DDX55: variants seen among roughly 807,000 people sequenced by gnomAD.
DDX55 encodes ATP-dependent RNA helicase DDX55.
DDX55 carries 56 observed loss-of-function variants against 69.2 expected under a neutral mutation model. The ratio of observed to expected loss-of-function variants is 0.81; its 90% CI spans 0.65 to 1.01. The LOEUF (loss-of-function observed/expected upper bound fraction) is 1.01, where lower values mean the gene tolerates loss of function less well. Ranked by LOEUF, DDX55 falls within the 50% of genes least tolerant of loss-of-function variation. The probability of loss-of-function intolerance (pLI) is 0.00; values close to 1 mark genes in which losing one functional copy is unlikely to be tolerated. For missense variants in DDX55, 720 were observed against 745.1 expected (o/e 0.97, Z 0.39); for synonymous variants, 268 against 273.1 (o/e 0.98, Z 0.18).
intron 11 of DDX55, chr12:123,618,106 T>C: frequency 2.2e-6 from 1 of 447,342 alleles, no homozygotes; most frequent in Non-Finnish European, 4.0e-6. Flanking sequence ...AACCTCCACC[T>C]CCCGGGTTCA....
chr12:123,607,648 G>T lies in DDX55; in HGVS notation c.387G>T (p.Arg129Ser). Residue 129 changes from arginine to serine, a missense_variant, in exon 5 of 14, where the codon AGG (arginine) becomes AGT (serine). Transcript: ENST00000238146. Reference sequence around the variant, plus strand: ...GGAATCCTGGAGAAGATGTTGAGAGGTTTAAGCAACAAGGGTGAGTTTGCT... The same window carrying T: ...GGAATCCTGGAGAAGATGTTGAGAGTTTTAAGCAACAAGGGTGAGTTTGCT... ...GGRNPGEDVE[R>S]FKQQGGNIIV... 6.2e-7 allele frequency: 1 copy of T among 1,614,124 alleles called. No individual in the cohort carries two copies. Among genetic ancestry groups the T allele is most frequent in the Non-Finnish European group, 8.5e-7 (1 of 1,180,034 alleles).
rs1438644142 is a variant in DDX55, at chr12:123,620,586, A to T, written c.*446A>T. 1.0e-3 allele frequency: 46 copies of T among 43,922 alleles called. 1 individual carries two copies. The highest frequency in any genetic ancestry group is 3.8e-3 in the African/African-American group (40 of 10,408). The allele number at this position is 43,922 out of a possible 1,614,324, so 2.7% of individuals were successfully genotyped here. ...ATATAGACATATGTACATATTATAT[A>T]TATATATATATATATATATATATAT... On this transcript the variant is annotated 3_prime_UTR_variant, in exon 14 of 14. Transcript: ENST00000238146.
In DDX55 at chr12:123,619,663, C is replaced by T; in HGVS notation, c.1565C>T (p.Ser522Leu). The T allele has an allele frequency of 6.3e-7, 1 of 1,599,532 alleles. No homozygotes were observed. The highest frequency in any genetic ancestry group is 8.5e-7 in the Non-Finnish European group (1 of 1,175,588). Residue 522 changes from serine (S) to leucine (L), a missense_variant, in exon 13 of 14, where the codon TCA becomes TTA. By Grantham distance (145) the Ser-to-Leu change is moderately radical. Coordinates refer to ENST00000238146, the MANE Select transcript of DDX55 (RefSeq NM_020936.3). ...AAATTCATAAAAAATAAAGCTTGGT[C>T]AAAGCAGAAGGCCAAAAAAGAAAAG... is the stretch of plus-strand genomic sequence containing the variant. ...RRKFIKNKAW[S>L]KQKAKKEKKK...
At chr12:123,617,973 A>G (rs755175528) in intron 11 of DDX55, 101 bp downstream of exon 11, 1 of 1,138,354 alleles carries the variant, frequency 8.8e-7, no homozygotes, top group African/African-American at 1.5e-5. Flanking sequence ...TTGCAAACTC[A>G]CTGGGGCTGG....
chr12:123,613,758 G>T lies in DDX55; in HGVS notation c.824+506G>T, dbSNP rs1406903011. Among the ~76,000 whole-genome samples, 3 of 152,208 alleles carry T rather than the reference G, an allele frequency of 2.0e-5. No individual in the cohort carries two copies. The East Asian group carries it at 5.8e-4, about 29-fold the overall frequency. On this transcript the variant is annotated intron_variant, in intron 8 of 13. Coordinates refer to ENST00000238146, the MANE Select transcript of DDX55 (RefSeq NM_020936.3). Reference sequence around the variant, plus strand: ...GTGGTGGCCCCTCACTTCAAGAGCAGCAGAGAAAATGAGTGCGCAGCTTTT... The same window carrying T: ...GTGGTGGCCCCTCACTTCAAGAGCATCAGAGAAAATGAGTGCGCAGCTTTT...
intron 11 of DDX55, 51 bp from the exon 12 acceptor site, chr12:123,618,618 G>A (rs1424926570): frequency 6.3e-7 from 1 of 1,590,646 alleles, no homozygotes; most frequent in Admixed American, 1.7e-5. Flanking sequence ...GAGCCCTGGG[G>A]ATATGATGCC....
intron 7 of DDX55, among the ~76,000 whole-genome samples, chr12:123,612,144 T>C (rs1954293142): frequency 6.6e-6 from 1 of 152,216 alleles, no homozygotes; most frequent in Non-Finnish European, 1.5e-5. Context: ...ACTCGGAGCA[T>C]TTTGGATTTC....
chr12:123,618,646 A>C, intron 11 of DDX55, 23 bp from the exon 12 acceptor site: 1 of 1,602,636 alleles, frequency 6.2e-7, no homozygotes, highest in South Asian at 1.1e-5. Context: ...GAAGGTGAGA[A>C]TGTGGTATGT....
At chr12:123,607,762 A>G (rs1953982901) in intron 5 of DDX55, 100 bp downstream of exon 5, 2 of 1,534,568 alleles carry the variant, frequency 1.3e-6, no homozygotes, top group Non-Finnish European at 1.8e-6. Flanking sequence ...CCCTTTCAGC[A>G]GCCTCCTCCC....
At chr12:123,616,895 T>A in intron 10 of DDX55, 1 of 338,708 alleles carries the variant, frequency 3.0e-6, no homozygotes, top group South Asian at 2.7e-5. Flanking sequence ...GGCTCACGCC[T>A]GTAATTCCAG....
At chr12:123,614,346 C>T (rs1436273789) in intron 8 of DDX55, among the ~76,000 whole-genome samples, 3 of 152,166 alleles carry the variant, frequency 2.0e-5, no homozygotes, top group African/African-American at 7.2e-5. Context: ...CTGAAGTAGA[C>T]AAGAGTTAGC....
intron 10 of DDX55, 34 bp from the exon 11 acceptor site, chr12:123,617,724 C>T: frequency 6.3e-7 from 1 of 1,577,838 alleles, no homozygotes; most frequent in Non-Finnish European, 8.6e-7. Flanking sequence ...GCTGTCATCA[C>T]CTGGGTACCC....
chr12:123,610,509 A>C (rs1431034041), intron 7 of DDX55, among the ~76,000 whole-genome samples: 1 of 152,086 alleles, frequency 6.6e-6, no homozygotes, highest in East Asian at 1.9e-4. Flanking sequence ...CAGAAAATCA[A>C]ATGACAGACT....
At chr12:123,616,400 C>G in intron 9 of DDX55, 111 bp from the exon 10 acceptor site, 1 of 880,242 alleles carries the variant, frequency 1.1e-6, no homozygotes, top group Non-Finnish European at 1.8e-6. Flanking sequence ...ACATTTGCTT[C>G]TGTGAGAAGC....
intron 1 of DDX55, chr12:123,605,376 C>G (rs1377161628): frequency 5.8e-6 from 1 of 172,054 alleles, no homozygotes; most frequent in Non-Finnish European, 1.3e-5. Flanking sequence ...AATGTTCCCT[C>G]AGGGGTTGAG....
chr12:123,615,122 C>T, intron 8 of DDX55, 63 bp from the exon 9 acceptor site: 1 of 1,604,232 alleles, frequency 6.2e-7, no homozygotes, highest in Non-Finnish European at 8.5e-7. Flanking sequence ...TCACTGTTCC[C>T]CTCTCCCGGT....
At chr12:123,616,725 G>T in intron 10 of DDX55, 122 bp downstream of exon 10, 1 of 1,077,038 alleles carries the variant, frequency 9.3e-7, no homozygotes, top group Non-Finnish European at 1.4e-6. Flanking sequence ...CCTCCAGCGT[G>T]CTTGGGTCTG....
intron 7 of DDX55, among the ~76,000 whole-genome samples, chr12:123,611,401 G>A (rs1329542611): frequency 6.6e-6 from 1 of 152,230 alleles, no homozygotes; most frequent in African/African-American, 2.4e-5. Flanking sequence ...CACCATCAGG[G>A]CGAGGAGGCA....
chr12:123,608,920 TATTTTTA>T, intron 6 of DDX55, 91 bp downstream of exon 6: 1 of 1,142,458 alleles, frequency 8.8e-7, no homozygotes, highest in Non-Finnish European at 1.2e-6. Flanking sequence ...CATGACTAGG[TATTTTTA>T]TTTTTTATTT....
Sources: gnomAD v4.1 joint callset for allele counts (sites outside exome capture counted in the v4.1 genomes callset) on GRCh38, gnomAD v4.1.1 for gene constraint, MANE v1.5 for transcripts, NCBI Gene and HGNC (gene_info 2026-07-23, HGNC 2026-07-21) for gene names.